Variants in SDCBP2 observed in about 807,000 individuals in gnomAD.
The protein encoded by SDCBP2 is syndecan binding protein 2, also known as syntenin-2.
In SDCBP2, 28 loss-of-function variants were observed where a neutral mutation model predicts 30.7. That is an observed-to-expected ratio of 0.91 (90% confidence interval 0.68 to 1.25). The LOEUF is 1.25. Ranked by LOEUF, SDCBP2 falls within the 50% of genes most tolerant of loss-of-function variation. The pLI is 0.00. For missense variants in SDCBP2, 399 were observed against 379.0 expected, an observed-to-expected ratio of 1.05 and a Z score of -0.44; for synonymous variants, 166 against 157.3, an observed-to-expected ratio of 1.06 and a Z score of -0.41.
chr20:1,323,385 C>G (rs1391847309), intron 1 of SDCBP2: 1 of 152,242 alleles, frequency 6.6e-6, no homozygotes, highest in East Asian at 1.9e-4. Flanking sequence ...TAAGCAGCCA[C>G]TCCTGCCCTG....
chr20:1,311,070 G>A (rs756589062), intron 7 of SDCBP2, 179 bp from the exon 8 acceptor site: 14 of 549,646 alleles, frequency 2.5e-5, no homozygotes, highest in Non-Finnish European at 4.6e-5. Context: ...AGACTCCCAG[G>A]TAAGGTCTTG....
At chr20:1,312,227 A>G (rs2088683487) in intron 7 of SDCBP2, 110 bp downstream of exon 7, 1 of 1,124,792 alleles carries the variant, frequency 8.9e-7, no homozygotes, top group Non-Finnish European at 1.3e-6. Context: ...GAACCCTCAC[A>G]GCAACCTTAG....
Position 1,321,511 on chromosome 20 carries a change from C to T in SDCBP2, c.-19-1076G>A. Reference sequence around the variant, plus strand: ...CCCACATCCCGTGTTGTGCAGGTCCCCATCATCTCCCTGGCCCTCTCCAGG... The same window carrying T: ...CCCACATCCCGTGTTGTGCAGGTCCTCATCATCTCCCTGGCCCTCTCCAGG... On this transcript the variant is annotated intron_variant, in intron 1 of 8. Transcript: ENST00000360779. The surrounding 1 kb of genome is among the most constrained non-coding windows in gnomAD (Gnocchi z 5.2). 6.5e-6 allele frequency: 1 copy of T among 154,020 alleles called. No homozygotes were observed. 9.5% of individuals were successfully genotyped at this position (154,020 alleles called of 1,614,324 possible). A position where few individuals can be genotyped will look rare whatever the true frequency, so the allele number is the denominator to read the frequency against.
Position 1,319,669 on chromosome 20 carries a change from A to G in SDCBP2, c.55-10T>C. On this transcript the variant is annotated splice_polypyrimidine_tract_variant and intron_variant, in intron 2 of 8. Transcript: ENST00000360779. ...AGGCTCTGACCTGGGCCTGGGGAGG[A>G]GCAGGGAGCACTGGTCAGCTGTGGC... 1 of 1,551,182 alleles carries G rather than the reference A, an allele frequency of 6.4e-7. No homozygotes were observed. The highest frequency in any genetic ancestry group is 8.7e-7 in the Non-Finnish European group (1 of 1,147,340).
intron 1 of SDCBP2, among the ~76,000 whole-genome samples, chr20:1,327,214 G>A (rs2088941112): frequency 6.6e-6 from 1 of 152,158 alleles, no homozygotes; most frequent in Non-Finnish European, 1.5e-5. Context: ...TTTGATATAA[G>A]CAATAACAAC....
At chr20:1,311,884 G>C (rs1600274550) in intron 7 of SDCBP2, among the ~76,000 whole-genome samples, 1 of 147,176 alleles carries the variant, frequency 6.8e-6, no homozygotes, top group East Asian at 2.0e-4. Context: ...TGTGCTCAGA[G>C]CTCTAGGTAC....
In SDCBP2 at chr20:1,313,194, G is replaced by A. The variant is rs1420214840; in HGVS notation, c.384+146C>T. ...AGCCCCGCCCGGGTCTCGGGGAGGA[G>A]GGACTGGGGGCAAGAGCCTGGCCGC... is the stretch of plus-strand genomic sequence containing the variant. On this transcript the variant is annotated intron_variant, in intron 5 of 8. Transcript: ENST00000360779. This position sits in a 1 kb window ranked among gnomAD's most constrained non-coding sequence, Gnocchi z 5.2. The A allele has an allele frequency of 2.4e-6, 2 of 841,066 alleles. No individual in the cohort carries two copies. Among genetic ancestry groups the A allele is most frequent in the Non-Finnish European group, 3.7e-6 (2 of 537,638 alleles). The allele number at this position is 841,066 out of a possible 1,614,324, so 52.1% of individuals were successfully genotyped here.
intron 4 of SDCBP2, chr20:1,317,774 A>G (rs1028259511): frequency 8.3e-6 from 2 of 241,856 alleles, no homozygotes; most frequent in Admixed American, 1.0e-4. Context: ...CGAGCCTGGC[A>G]GGAAGACTGA....
intron 1 of SDCBP2, among the ~76,000 whole-genome samples, chr20:1,327,509 C>T (rs899221687): frequency 6.6e-6 from 1 of 152,202 alleles, no homozygotes; most frequent in African/African-American, 2.4e-5. Flanking sequence ...GCTAGGCCAC[C>T]AGCATGTACC....
chr20:1,327,761 G>A (rs2088950733), intron 1 of SDCBP2, among the ~76,000 whole-genome samples: 1 of 152,246 alleles, frequency 6.6e-6, no homozygotes, highest in Non-Finnish European at 1.5e-5. Context: ...AGGTGTATAT[G>A]GAAAGCATTT....
At position 1,320,410 on chromosome 20, in the gene SDCBP2, A is replaced by G. The variant is rs954697190; in HGVS notation, c.7T>C (p.Ser3Pro). 3.1e-6 allele frequency: 5 copies of G among 1,613,848 alleles called. No individual in the cohort carries two copies. The highest frequency in any genetic ancestry group is 4.2e-6 in the Non-Finnish European group (5 of 1,179,830). Residue 3 changes from serine (S) to proline (P), a missense_variant, in exon 2 of 9, where the codon TCC (serine) becomes CCC (proline). Ser to Pro is a moderately conservative substitution (Grantham distance 74). Transcript: ENST00000360779. This position sits in a 1 kb window ranked among gnomAD's most constrained non-coding sequence, Gnocchi z 4.7. MS[S>P]LYPSLEDLKV... ...AGGTCCTCTAGAGATGGGTACAGGG[A>G]TGACATGGCTGATTCTCAGAACACC...
chr20:1,313,049 T>C lies in SDCBP2; in HGVS notation c.385-287A>G. On this transcript the variant is annotated intron_variant, in intron 5 of 8. Coordinates refer to ENST00000360779, the MANE Select transcript of SDCBP2 (RefSeq NM_080489.5). The surrounding 1 kb of genome is among the most constrained non-coding windows in gnomAD (Gnocchi z 5.2). ...ATGGGCTTCCCTGGCGTCGGCTGTCTACACCGTCGCCTGGAAGCTAGATGC... is the reference window on the plus strand; with the variant it reads ...ATGGGCTTCCCTGGCGTCGGCTGTCCACACCGTCGCCTGGAAGCTAGATGC... 1.7e-6 allele frequency: 1 copy of C among 586,980 alleles called. No individual in the cohort carries two copies. Among genetic ancestry groups the C allele is most frequent in the East Asian group, 2.9e-5 (1 of 34,984 alleles). 36.4% of individuals were successfully genotyped at this position (586,980 alleles called of 1,614,324 possible).
chr20:1,326,154 C>T (rs558172621), intron 1 of SDCBP2, among the ~76,000 whole-genome samples: 1 of 152,280 alleles, frequency 6.6e-6, no homozygotes, highest in South Asian at 2.1e-4. Context: ...TGTGCTATTC[C>T]AGGGACAGGG....
intron 7 of SDCBP2, chr20:1,311,093 CAT>C: frequency 1.9e-6 from 1 of 527,906 alleles, no homozygotes; most frequent in South Asian, 2.7e-5. Context: ...TGAGTGAGAA[CAT>C]GGGTCTCCCA....
At position 1,329,009 on chromosome 20, in the gene SDCBP2, G is replaced by A. The variant is rs2088974829; in HGVS notation, c.-20+76C>T. 1 of 152,416 alleles carries A rather than the reference G, an allele frequency of 6.6e-6. No homozygotes were observed. Among genetic ancestry groups the A allele is most frequent in the Non-Finnish European group, 1.5e-5 (1 of 68,136 alleles). The allele number at this position is 152,416 out of a possible 1,614,324, so 9.4% of individuals were successfully genotyped here. On this transcript the variant is annotated intron_variant, in intron 1 of 8. Coordinates refer to ENST00000360779, the MANE Select transcript of SDCBP2 (RefSeq NM_080489.5). This position sits in a 1 kb window ranked among gnomAD's most constrained non-coding sequence, Gnocchi z 4.3. ...GTCCCAGAAGGGAAGGGGCAGGGAG[G>A]GAAGGGGACAGGGTGAGAGCAGGTC...
In SDCBP2 at chr20:1,313,458, G is replaced by A. The variant is rs753061704; in HGVS notation, c.266C>T (p.Pro89Leu). The change falls in exon 5 of 9, where the codon CCG becomes CTG. Residue 89 changes from proline (P) to leucine (L), a missense_variant. By Grantham distance (98) the Pro-to-Leu change is moderately conservative. Coordinates refer to ENST00000360779, the MANE Select transcript of SDCBP2 (RefSeq NM_080489.5). The surrounding 1 kb of genome is among the most constrained non-coding windows in gnomAD (Gnocchi z 5.2). The stretch of plus-strand genomic sequence containing the variant: ...CACGCCCAGGCTGTACCCGGTTACC[G>A]GTGCCACCATCTGGCCGGGCCCGGG... ...SGPGPGQMVA[P>L]VTGYSLGVRR... is the part of the protein sequence containing the mutation. 7 of 1,600,082 alleles carry A rather than the reference G, an allele frequency of 4.4e-6. No homozygotes were observed. Among genetic ancestry groups the A allele is most frequent in the Non-Finnish European group, 6.0e-6 (7 of 1,175,624 alleles).
Position 1,310,941 on chromosome 20 carries a change from C to A in SDCBP2, c.733-50G>T, listed in dbSNP as rs373529920. Reference sequence around the variant, plus strand: ...CACCCTAAGGATTGGGGACCAGGGGCAACTCTACAGGCCCCTCTGTGGAGG... The same window carrying A: ...CACCCTAAGGATTGGGGACCAGGGGAAACTCTACAGGCCCCTCTGTGGAGG... On this transcript the variant is annotated intron_variant, in intron 7 of 8. Coordinates refer to ENST00000360779, the MANE Select transcript of SDCBP2 (RefSeq NM_080489.5). The A allele has an allele frequency of 5.0e-6, 7 of 1,399,136 alleles. No homozygotes were observed. The African/African-American group carries it at 5.6e-5, about 11-fold the overall frequency. The allele number at this position is 1,399,136 out of a possible 1,614,324, so 86.7% of individuals were successfully genotyped here.
Position 1,314,787 on chromosome 20 carries a change from C to T in SDCBP2, c.226-1289G>A, listed in dbSNP as rs562811187. 9.9e-5 allele frequency among the ~76,000 whole-genome samples: 15 copies of T among 152,060 alleles called. 1 individual carries two copies. Among genetic ancestry groups the T allele is most frequent in the South Asian group, 4.2e-4 (2 of 4,814 alleles). ...AAAACAAGAACAACAAAAAGAAATA[C>T]GTGTAAATCTAACAAAACACATACA... On this transcript the variant is annotated intron_variant, in intron 4 of 8. Transcript: ENST00000360779.
intron 4 of SDCBP2, among the ~76,000 whole-genome samples, chr20:1,314,312 ACCT>A (rs2088735470): frequency 6.8e-6 from 1 of 148,038 alleles, no homozygotes; most frequent in South Asian, 2.2e-4. Context: ...AACTGTTGAA[ACCT>A]CCTCTCTACT....
Sources: gnomAD v4.1 joint callset for allele counts (sites outside exome capture counted in the v4.1 genomes callset) on GRCh38, gnomAD v4.1.1 for gene constraint, Gnocchi (gnomAD v3.1) non-coding constraint, MANE v1.5 for transcripts, NCBI Gene and HGNC (gene_info 2026-07-23, HGNC 2026-07-21) for gene names.